MECR: variants seen among roughly 807,000 people sequenced by gnomAD.
MECR encodes mitochondrial trans-2-enoyl-CoA reductase.
In MECR, 37 loss-of-function variants were observed where a neutral mutation model predicts 49.1. The ratio of observed to expected loss-of-function variants is 0.75; its 90% CI spans 0.58 to 0.99. The LOEUF is 0.99. Ranked by LOEUF, MECR falls within the 50% of genes least tolerant of loss-of-function variation. The probability of loss-of-function intolerance (pLI) is 0.00; values close to 1 mark genes in which losing one functional copy is unlikely to be tolerated. For missense variants in MECR, 470 were observed against 479.6 expected (o/e 0.98, Z 0.19); for synonymous variants, 198 against 191.1 (o/e 1.04, Z -0.30).
rs755107970 is a variant in MECR at position 29,200,494 on chromosome 1, C to T, written c.830+22G>A. ...ACCTGGAGAGCTCTGGCGAGCTGGA[C>T]CTGCAGGCCCAAGGGACTTACGCTA... On this transcript the variant is annotated intron_variant, in intron 7 of 9. Transcript: ENST00000263702. The T allele has an allele frequency of 6.8e-6, 11 of 1,607,882 alleles. No individual in the cohort carries two copies. The South Asian group carries it at 1.1e-4, about 16-fold the overall frequency.
At chr1:29,167,796 G>C in the MECR span, among the ~76,000 whole-genome samples, 3 of 152,204 alleles carry the variant, frequency 2.0e-5, no homozygotes, top group Admixed American at 1.3e-4. Flanking sequence ...ATTTAGCACA[G>C]TGCCTGGCAC....
chr1:29,183,884 T>TG, the MECR span, among the ~76,000 whole-genome samples: 1 of 149,288 alleles, frequency 6.7e-6, no homozygotes, highest in South Asian at 2.1e-4. Flanking sequence ...ATTCTACTTT[T>TG]TTTTTTTTTT....
intron 1 of MECR, among the ~76,000 whole-genome samples, chr1:29,226,506 A>G (rs986472674): frequency 2.0e-5 from 3 of 152,200 alleles, no homozygotes; most frequent in Admixed American, 2.0e-4. Context: ...TTGAGGCAGA[A>G]GGATCGCTTG....
intron 4 of MECR, among the ~76,000 whole-genome samples, chr1:29,205,781 C>T (rs547718640): frequency 1.1e-3 from 169 of 152,098 alleles, no homozygotes; most frequent in African/African-American, 3.9e-3. Context: ...AGTGAGCCCA[C>T]GCCACTGCAC....
chr1:29,204,776 G>A (rs1676167070), intron 4 of MECR, among the ~76,000 whole-genome samples: 1 of 152,194 alleles, frequency 6.6e-6, no homozygotes, highest in Non-Finnish European at 1.5e-5. Flanking sequence ...GGCATGGGAT[G>A]CAAGCAAACA....
chr1:29,186,283 G>A, the MECR span, among the ~76,000 whole-genome samples: 1 of 152,142 alleles, frequency 6.6e-6, no homozygotes, highest in Non-Finnish European at 1.5e-5. Flanking sequence ...GGCCTCATCA[G>A]ACTGTTCACA....
the MECR span, among the ~76,000 whole-genome samples, chr1:29,177,387 T>C: frequency 6.6e-6 from 1 of 151,952 alleles, no homozygotes; most frequent in African/African-American, 2.4e-5. Context: ...GTTCAAGTGA[T>C]TCTCTTGCCT....
the MECR span, among the ~76,000 whole-genome samples, chr1:29,176,391 T>A: frequency 1.3e-5 from 2 of 151,914 alleles, no homozygotes; most frequent in African/African-American, 4.8e-5. Flanking sequence ...TGCCACTTGG[T>A]GGTGGGTGAA....
Position 29,195,941 on chromosome 1 carries a change from C to G in MECR, c.964G>C (p.Asp322His). 6.2e-7 allele frequency: 1 copy of G among 1,614,216 alleles called. No homozygotes were observed. The highest frequency in any genetic ancestry group is 1.7e-5 in the Admixed American group (1 of 60,028). ...LSQWKKDHSP[D>H]QFKELILTLC... ...TCTTGGCACTGGGCCATGCACTCACCTGGACTGTGATCCTTCTTCCACTGG... is the reference window on the plus strand; with the variant it reads ...TCTTGGCACTGGGCCATGCACTCACGTGGACTGTGATCCTTCTTCCACTGG... The change falls in exon 9 of 10, where the codon GAC (aspartate) becomes CAC (histidine). Residue 322 changes from aspartate (D) to histidine (H), a missense_variant and splice_region_variant. Asp to His is a moderately conservative substitution (Grantham distance 81). Transcript: ENST00000263702.
intron 7 of MECR, among the ~76,000 whole-genome samples, chr1:29,198,173 G>A (rs537121899): frequency 5.5e-4 from 83 of 152,190 alleles, no homozygotes; most frequent in Non-Finnish European, 9.1e-4. Context: ...TCAGGAGGCG[G>A]AGCTCAGGTG....
At chr1:29,207,363 G>A (rs567078225) in intron 3 of MECR, among the ~76,000 whole-genome samples, 6 of 152,136 alleles carry the variant, frequency 3.9e-5, no homozygotes, top group South Asian at 2.1e-4. Flanking sequence ...CAGGTGATTC[G>A]CCTGCATCGG....
intron 1 of MECR, chr1:29,224,079 C>T (rs1001197128): frequency 6.6e-6 from 1 of 152,134 alleles, no homozygotes. Context: ...GCAAAGAAAC[C>T]TTCTCAATCC....
At chr1:29,211,699 G>A (rs937381007) in intron 3 of MECR, among the ~76,000 whole-genome samples, 3 of 79,544 alleles carry the variant, frequency 3.8e-5, no homozygotes, top group Non-Finnish European at 1.1e-4. Context: ...GAGCTGGAAA[G>A]AGAACTTGCC....
chr1:29,217,988 CA>C (rs1277494159), intron 1 of MECR, among the ~76,000 whole-genome samples: 2 of 152,148 alleles, frequency 1.3e-5, no homozygotes, highest in Non-Finnish European at 2.9e-5. Context: ...TCACCATGGG[CA>C]AGTTTCTTCT....
chr1:29,223,703 C>T (rs1462817092), intron 1 of MECR, among the ~76,000 whole-genome samples: 1 of 152,206 alleles, frequency 6.6e-6, no homozygotes, highest in African/African-American at 2.4e-5. Flanking sequence ...ACCAAACTGC[C>T]TTCTGTGATT....
At chr1:29,208,707 C>T (rs1387060533) in intron 3 of MECR, among the ~76,000 whole-genome samples, 2 of 152,190 alleles carry the variant, frequency 1.3e-5, no homozygotes, top group Non-Finnish European at 2.9e-5. Flanking sequence ...GGTATCTGGG[C>T]TGCCTTCCTT....
chr1:29,217,435 T>A (rs951008264), intron 1 of MECR, among the ~76,000 whole-genome samples: 115 of 152,152 alleles, frequency 7.6e-4, no homozygotes, highest in African/African-American at 2.7e-3. Flanking sequence ...CAGGCTGGTC[T>A]TGAACTCCTG....
the MECR span, among the ~76,000 whole-genome samples, chr1:29,175,648 T>C: frequency 1.6e-5 from 2 of 122,912 alleles, no homozygotes; most frequent in Middle Eastern, 5.4e-3. Flanking sequence ...TGAGCCGAGA[T>C]TGCGCCACTG....
intron 7 of MECR, chr1:29,200,314 C>A (rs1267824258): frequency 6.7e-6 from 3 of 450,828 alleles, no homozygotes; most frequent in Non-Finnish European, 1.2e-5. Context: ...CTGGATAGGC[C>A]AAAATTTTGG....
Sources: gnomAD v4.1 joint callset for allele counts (sites outside exome capture counted in the v4.1 genomes callset) on GRCh38, gnomAD v4.1.1 for gene constraint, MANE v1.5 for transcripts, NCBI Gene and HGNC (gene_info 2026-07-23, HGNC 2026-07-21) for gene names.